Variants in SH3GL3 observed in about 807,000 individuals in gnomAD.
SH3GL3 encodes the protein endophilin-A3.
A neutral mutation model predicts 47.7 loss-of-function variants in SH3GL3; 33 were observed. The ratio of observed to expected loss-of-function variants is 0.69; its 90% CI spans 0.52 to 0.92. The LOEUF (loss-of-function observed/expected upper bound fraction) is 0.92, where lower values mean the gene tolerates loss of function less well. Among genes scored for constraint, SH3GL3 ranks in the 40% least tolerant of loss-of-function variants. The pLI, the probability that SH3GL3 is intolerant of heterozygous loss-of-function variation, is 0.00. For synonymous variants in SH3GL3, 155 were observed against 148.8 expected (o/e 1.04, Z -0.30); for missense variants, 363 against 417.8 (o/e 0.87, Z 1.14).
chr15:83,509,914 T>C (rs1567286193), intron 1 of SH3GL3, among the ~76,000 whole-genome samples: 1 of 152,154 alleles, frequency 6.6e-6, no homozygotes, highest in Non-Finnish European at 1.5e-5. Flanking sequence ...ATATGTTTGG[T>C]GTGGAGTTCA....
chr15:83,481,570 A>G (rs12442717), intron 1 of SH3GL3, among the ~76,000 whole-genome samples: 15,515 of 152,192 alleles, frequency 0.1, 1,161 homozygotes, highest in East Asian at 0.23. Context: ...ATTTCTTAAG[A>G]GCTGAAATTT....
rs115019508 is a variant in SH3GL3 at position 83,587,419 on chromosome 15, C to T, written c.728+333C>T. On this transcript the variant is annotated intron_variant, in intron 7 of 8. Transcript: ENST00000427482. ...AACCCCTACAGAACTACCCTGGCTT[C>T]ATTGCTGATTTGATGAGAGTTTAAC... Among the ~76,000 whole-genome samples, 506 of 150,352 alleles carry T rather than the reference C, an allele frequency of 3.4e-3. 4 individuals carry two copies. Among genetic ancestry groups the T allele is most frequent in the African/African-American group, 0.012 (494 of 40,976 alleles).
intron 1 of SH3GL3, among the ~76,000 whole-genome samples, chr15:83,480,862 A>C (rs2041316629): frequency 1.3e-5 from 2 of 152,182 alleles, no homozygotes. Context: ...TGACCATTCA[A>C]GGATTTGTGT....
intron 1 of SH3GL3, among the ~76,000 whole-genome samples, chr15:83,468,743 C>T (rs949216292): frequency 2.0e-5 from 3 of 149,438 alleles, no homozygotes; most frequent in South Asian, 2.1e-4. Context: ...TGTTTGCTAA[C>T]GTTTTATTGT....
chr15:83,478,639 G>A (rs2041203972), intron 1 of SH3GL3, among the ~76,000 whole-genome samples: 1 of 152,236 alleles, frequency 6.6e-6, no homozygotes, highest in African/African-American at 2.4e-5. Flanking sequence ...GTTAAGAGTT[G>A]AGTTCAGAAT....
chr15:83,589,345 A>G (rs960067665), intron 8 of SH3GL3, among the ~76,000 whole-genome samples: 9 of 152,182 alleles, frequency 5.9e-5, no homozygotes, highest in African/African-American at 2.2e-4. Context: ...ATAAATATAC[A>G]CATAAACAGC....
chr15:83,536,869 TTTGA>T (rs1248494742), intron 1 of SH3GL3, among the ~76,000 whole-genome samples: 1 of 152,236 alleles, frequency 6.6e-6, no homozygotes, highest in Non-Finnish European at 1.5e-5. Context: ...CCCTCTATAC[TTTGA>T]TTATCTCTGT....
At chr15:83,559,195 TA>T (rs375915736) in intron 1 of SH3GL3, 57 bp from the exon 2 acceptor site, 3 of 1,003,824 alleles carry the variant, frequency 3.0e-6, no homozygotes, top group South Asian at 1.4e-5. Flanking sequence ...ATAATTTAGG[TA>T]AAAAACTGTG....
chr15:83,491,042 A>T, intron 1 of SH3GL3: 1 of 1,417,874 alleles, frequency 7.1e-7, no homozygotes. Context: ...ATTAGCAAGG[A>T]GTGATGATTG....
chr15:83,541,940 A>G (rs2044187230), intron 1 of SH3GL3, among the ~76,000 whole-genome samples: 1 of 152,054 alleles, frequency 6.6e-6, no homozygotes, highest in Non-Finnish European at 1.5e-5. Flanking sequence ...TGATGTTGAA[A>G]AGCCTTTGCT....
intron 8 of SH3GL3, 145 bp downstream of exon 8, chr15:83,588,916 A>G (rs931790510): frequency 1.7e-6 from 1 of 604,518 alleles, no homozygotes; most frequent in African/African-American, 1.9e-5. Flanking sequence ...CTTTTCCCCT[A>G]AACGTGCCCC....
chr15:83,536,289 T>C (rs1185462473), intron 1 of SH3GL3, among the ~76,000 whole-genome samples: 1 of 152,202 alleles, frequency 6.6e-6, no homozygotes, highest in Non-Finnish European at 1.5e-5. Flanking sequence ...TGTGGGGTCC[T>C]GGGCACACTC....
intron 1 of SH3GL3, among the ~76,000 whole-genome samples, chr15:83,492,214 CG>C (rs1169091596): frequency 1.5e-5 from 2 of 133,924 alleles, no homozygotes; most frequent in Admixed American, 1.7e-4. Context: ...ACCTGGGAAT[CG>C]GAGGTTGCAG....
chr15:83,471,920 G>A (rs1035349556), intron 1 of SH3GL3, among the ~76,000 whole-genome samples: 15 of 151,608 alleles, frequency 9.9e-5, no homozygotes, highest in Non-Finnish European at 1.5e-5. Context: ...TCTCGCTCTT[G>A]TCACTCAGGC....
intron 1 of SH3GL3, among the ~76,000 whole-genome samples, chr15:83,533,701 A>G (rs2043781677): frequency 6.6e-6 from 1 of 151,992 alleles, no homozygotes; most frequent in African/African-American, 2.4e-5. Context: ...CTTACCCCAG[A>G]GTTTCTTGCC....
At position 83,578,098 on chromosome 15, in the gene SH3GL3, G is replaced by A. The variant is rs1226400181; in HGVS notation, c.624+1357G>A. ...AGTGCCAATCTTCTATTGTACTGTG[G>A]TTCCTGCCATTTGCTTTGATTTGAT... On this transcript the variant is annotated intron_variant, in intron 6 of 8. Coordinates refer to ENST00000427482, the MANE Select transcript of SH3GL3 (RefSeq NM_003027.5). 3.3e-5 allele frequency among the ~76,000 whole-genome samples: 5 copies of A among 152,284 alleles called. No homozygotes were observed. The South Asian group carries it at 1.0e-3, about 32-fold the overall frequency.
chr15:83,447,643 C>A lies in SH3GL3; in HGVS notation c.45+65C>A. ...GGAGGCTGCGGCCCCCCGAGGCTCC[C>A]GGGCCTTTGGGACTCCTGTTCCCTG... On this transcript the variant is annotated intron_variant, in intron 1 of 8. Coordinates refer to ENST00000427482, the MANE Select transcript of SH3GL3 (RefSeq NM_003027.5). The surrounding 1 kb of genome is among the most constrained non-coding windows in gnomAD (Gnocchi z 5.1). The A allele has an allele frequency of 1.6e-6, 2 of 1,253,712 alleles. No homozygotes were observed. Among genetic ancestry groups the A allele is most frequent in the East Asian group, 3.1e-5 (1 of 32,174 alleles). 77.7% of individuals were successfully genotyped at this position (1,253,712 alleles called of 1,614,324 possible).
At chr15:83,549,672 G>A (rs2044566529) in intron 1 of SH3GL3, among the ~76,000 whole-genome samples, 1 of 152,176 alleles carries the variant, frequency 6.6e-6, no homozygotes, top group Admixed American at 6.5e-5. Flanking sequence ...TTCAGCTTAG[G>A]AAATGTCAAA....
At chr15:83,469,580 T>C (rs2040737184) in intron 1 of SH3GL3, among the ~76,000 whole-genome samples, 2 of 152,214 alleles carry the variant, frequency 1.3e-5, no homozygotes, top group African/African-American at 4.8e-5. Flanking sequence ...CTTTGATCCA[T>C]GTATCATTTA....
Sources: gnomAD v4.1 joint callset for allele counts (sites outside exome capture counted in the v4.1 genomes callset) on GRCh38, gnomAD v4.1.1 for gene constraint, Gnocchi (gnomAD v3.1) non-coding constraint, MANE v1.5 for transcripts, NCBI Gene and HGNC (gene_info 2026-07-23, HGNC 2026-07-21) for gene names.